The following ELMOD1 variants were observed in gnomAD, a reference collection of about 807,000 sequenced individuals.
ELMOD1 encodes ELMO domain-containing protein 1.
A neutral mutation model predicts 46.7 loss-of-function variants in ELMOD1; 21 were observed. That is an observed-to-expected ratio of 0.45 (90% CI 0.32 to 0.65). The LOEUF (loss-of-function observed/expected upper bound fraction) is 0.65. Among genes scored for constraint, ELMOD1 ranks in the 30% least tolerant of loss-of-function variants. The pLI, the probability that ELMOD1 is intolerant of heterozygous loss-of-function variation, is 0.04. For synonymous variants in ELMOD1, 122 were observed against 138.2 expected (o/e 0.88, Z 0.82); for missense variants, 348 against 407.8 (o/e 0.85, Z 1.26).
At chr11:107,660,500 A>G (rs1866720168) in intron 11 of ELMOD1, among the ~76,000 whole-genome samples, 1 of 152,188 alleles carries the variant, frequency 6.6e-6, no homozygotes, top group Admixed American at 6.6e-5. Context: ...GGGGAAAAGC[A>G]AACTATTTTT....
rs1006044440 is a variant in ELMOD1, at chr11:107,647,470, A to G, written c.423A>G (p.Leu141=). The change falls in exon 7 of 12, where the codon TTA becomes TTG. Residue 141 remains leucine (L), a splice_region_variant and synonymous_variant. Transcript: ENST00000265840. ...AATCCTTTTTTTTTTTCCTACAGTT[A>G]TGGAAATTCTTGAAGCCCAATACTC... is the stretch of plus-strand genomic sequence containing the variant. The part of the protein sequence containing the change: ...NPQHEEMLLK[L]WKFLKPNTPL... The G allele has an allele frequency of 5.0e-6, 8 of 1,603,106 alleles. No individual in the cohort carries two copies. The highest frequency in any genetic ancestry group is 5.1e-6 in the Non-Finnish European group (6 of 1,176,672).
chr11:107,654,244 GA>G, intron 10 of ELMOD1, 22 bp downstream of exon 10: 1 of 1,579,560 alleles, frequency 6.3e-7, no homozygotes, highest in African/African-American at 1.3e-5. Context: ...ATCTCACATG[GA>G]AAGATGGTCC....
intron 6 of ELMOD1, among the ~76,000 whole-genome samples, chr11:107,646,981 T>TCTATCTAC (rs1252078326): frequency 2.2e-5 from 3 of 136,332 alleles, no homozygotes; most frequent in South Asian, 4.4e-4. Flanking sequence ...TATCTATCTA[T>TCTATCTAC]CTATCTACCT....
chr11:107,610,368 A>C (rs601832), intron 1 of ELMOD1, among the ~76,000 whole-genome samples: 55 of 152,276 alleles, frequency 3.6e-4, no homozygotes, highest in African/African-American at 1.3e-3. Context: ...GAATTACACA[A>C]ATAAAACGTC....
intron 11 of ELMOD1, 27 bp downstream of exon 11, chr11:107,656,093 A>C: frequency 6.4e-7 from 1 of 1,550,566 alleles, no homozygotes. Context: ...ATAATTATCA[A>C]TATAGGTTTC....
At chr11:107,641,399 A>T (rs1243591326) in intron 6 of ELMOD1, among the ~76,000 whole-genome samples, 3 of 152,230 alleles carry the variant, frequency 2.0e-5, no homozygotes, top group Admixed American at 1.3e-4. Context: ...CAATTTAGTA[A>T]AACCAAGATA....
chr11:107,627,069 G>A (rs1400319421), intron 2 of ELMOD1, among the ~76,000 whole-genome samples: 1 of 152,090 alleles, frequency 6.6e-6, no homozygotes, highest in East Asian at 1.9e-4. Flanking sequence ...AATTACACCT[G>A]TCAAAACATA....
intron 5 of ELMOD1, among the ~76,000 whole-genome samples, chr11:107,633,269 A>T (rs2135691187): frequency 6.6e-6 from 1 of 152,302 alleles, no homozygotes; most frequent in South Asian, 2.1e-4. Context: ...ATATAAAAAA[A>T]TTAAGTACTT....
chr11:107,633,061 T>C (rs1866168087), intron 5 of ELMOD1, among the ~76,000 whole-genome samples: 2 of 152,224 alleles, frequency 1.3e-5, no homozygotes, highest in South Asian at 4.1e-4. Context: ...AAGTTGTATA[T>C]GAAACACAAA....
At chr11:107,618,645 T>C (rs971478288) in intron 2 of ELMOD1, among the ~76,000 whole-genome samples, 1 of 152,238 alleles carries the variant, frequency 6.6e-6, no homozygotes, top group Non-Finnish European at 1.5e-5. Flanking sequence ...TTTTAAAATT[T>C]TGTGGGCGGT....
At chr11:107,650,230 C>T (rs1866500840) in intron 7 of ELMOD1, 105 bp from the exon 8 acceptor site, 2 of 757,678 alleles carry the variant, frequency 2.6e-6, no homozygotes, top group Admixed American at 4.2e-5. Flanking sequence ...AACCTTATGC[C>T]AGTATCCATC....
intron 5 of ELMOD1, 73 bp from the exon 6 acceptor site, chr11:107,635,563 C>A: frequency 1.4e-6 from 2 of 1,481,336 alleles, no homozygotes; most frequent in Non-Finnish European, 1.8e-6. Flanking sequence ...ATCATGCATA[C>A]ATCAAGTGAA....
At chr11:107,597,462 C>G (rs1865511325) in intron 1 of ELMOD1, among the ~76,000 whole-genome samples, 1 of 152,088 alleles carries the variant, frequency 6.6e-6, no homozygotes, top group Non-Finnish European at 1.5e-5. Flanking sequence ...AGGTCAGAAA[C>G]AAAAAATATA....
intron 9 of ELMOD1, among the ~76,000 whole-genome samples, chr11:107,652,217 G>C (rs1008385387): frequency 2.0e-5 from 3 of 152,210 alleles, no homozygotes; most frequent in Non-Finnish European, 4.4e-5. Flanking sequence ...CGTAGGTTCT[G>C]TCAAGCCCTG....
chr11:107,630,777 C>T (rs747667925), intron 4 of ELMOD1, 49 bp downstream of exon 4: 1 of 1,544,748 alleles, frequency 6.5e-7, no homozygotes, highest in Non-Finnish European at 8.7e-7. Context: ...GGAAGCTTAC[C>T]TTTATCATAA....
intron 1 of ELMOD1, among the ~76,000 whole-genome samples, chr11:107,613,412 A>C (rs574847995): frequency 1.3e-5 from 2 of 152,316 alleles, no homozygotes; most frequent in South Asian, 2.1e-4. Context: ...CTAGACAAGA[A>C]CTTTGTCTCC....
At chr11:107,649,323 C>CA (rs1291078539) in intron 7 of ELMOD1, among the ~76,000 whole-genome samples, 1 of 151,640 alleles carries the variant, frequency 6.6e-6, no homozygotes, top group Non-Finnish European at 1.5e-5. Context: ...AAGACACGAG[C>CA]AAAAAAAGCA....
At chr11:107,621,047 G>A (rs1865938872) in intron 2 of ELMOD1, among the ~76,000 whole-genome samples, 1 of 152,214 alleles carries the variant, frequency 6.6e-6, no homozygotes, top group East Asian at 1.9e-4. Context: ...TAACAGAGAA[G>A]TCTGAAAACT....
chr11:107,644,313 A>AC (rs1354032996), intron 6 of ELMOD1, among the ~76,000 whole-genome samples: 2 of 151,890 alleles, frequency 1.3e-5, no homozygotes, highest in East Asian at 3.9e-4. Flanking sequence ...AAAAAAAAAA[A>AC]GCATTTTATT....
Sources: gnomAD v4.1 joint callset for allele counts (sites outside exome capture counted in the v4.1 genomes callset) on GRCh38, gnomAD v4.1.1 for gene constraint, MANE v1.5 for transcripts, NCBI Gene and HGNC (gene_info 2026-07-23, HGNC 2026-07-21) for gene names.